Variants in FHIT observed in about 807,000 individuals in gnomAD.
The protein encoded by FHIT is fragile histidine triad diadenosine triphosphatase.
In FHIT, 19 loss-of-function variants were observed where a neutral mutation model predicts 17.9. The ratio of observed to expected loss-of-function variants is 1.06; its 90% CI spans 0.74 to 1.56. FHIT has a LOEUF of 1.56. Ranked by LOEUF, FHIT falls within the 40% of genes most tolerant of loss-of-function variation. FHIT has a pLI of 0.00. For missense variants in FHIT, 248 were observed against 189.2 expected (o/e 1.31, Z -1.82); for synonymous variants, 81 against 69.7 (o/e 1.16, Z -0.81).
chr3:60,955,612 A>ATGTATATATATATG lies in FHIT; in HGVS notation c.-111+86434_-111+86435insCATATATATATACA, dbSNP rs1559862309. Among the ~76,000 whole-genome samples the ATGTATATATATATG allele has an allele frequency of 4.1e-4, 4 of 9,752 alleles. 1 individual carries two copies. The highest frequency in any genetic ancestry group is 5.0e-3 in the Admixed American group (2 of 400). 6.4% of individuals were successfully genotyped at this position (9,752 alleles called of 152,430 possible). A position where few individuals can be genotyped will look rare whatever the true frequency, so the allele number is the denominator to read the frequency against. On this transcript the variant is annotated intron_variant, in intron 3 of 9. Transcript: ENST00000492590. The stretch of plus-strand genomic sequence containing the variant: ...CATATATATACATATATATATATAT[A>ATGTATATATATATG]TATATATATATATATATATATACAC...
chr3:60,109,136 G>T (rs1347622669), intron 5 of FHIT, among the ~76,000 whole-genome samples: 1 of 134,664 alleles, frequency 7.4e-6, no homozygotes, highest in African/African-American at 2.5e-5. Context: ...ACGGGGGTAG[G>T]GGCAGGGAGA....
At chr3:61,020,421 T>C (rs1003877337) in intron 3 of FHIT, among the ~76,000 whole-genome samples, 3 of 152,250 alleles carry the variant, frequency 2.0e-5, no homozygotes, top group African/African-American at 7.2e-5. Flanking sequence ...AAGGTCTTTG[T>C]AGATTCTGGA....
intron 3 of FHIT, among the ~76,000 whole-genome samples, chr3:61,026,047 G>A (rs575775816): frequency 6.6e-6 from 1 of 152,072 alleles, no homozygotes; most frequent in African/African-American, 2.4e-5. Flanking sequence ...CTGGGTGATA[G>A]GATCATACAT....
intron 5 of FHIT, among the ~76,000 whole-genome samples, chr3:60,462,265 C>T (rs1020153036): frequency 1.5e-4 from 23 of 152,146 alleles, no homozygotes; most frequent in African/African-American, 4.8e-4. Context: ...TCCACCACAC[C>T]TTTAAGAATG....
chr3:60,384,039 G>T (rs754405479), intron 5 of FHIT, among the ~76,000 whole-genome samples: 1 of 152,116 alleles, frequency 6.6e-6, no homozygotes, highest in Non-Finnish European at 1.5e-5. Context: ...GGAGGCCGAG[G>T]TGGGTGGATC....
At chr3:60,502,165 C>T (rs2034551044) in intron 5 of FHIT, among the ~76,000 whole-genome samples, 1 of 152,164 alleles carries the variant, frequency 6.6e-6, no homozygotes, top group Non-Finnish European at 1.5e-5. Flanking sequence ...GGACCTTGTT[C>T]TTCTCTCAGT....
intron 5 of FHIT, among the ~76,000 whole-genome samples, chr3:60,336,998 T>C (rs928522832): frequency 6.6e-6 from 1 of 152,038 alleles, no homozygotes; most frequent in Non-Finnish European, 1.5e-5. Context: ...ATTTCATTTA[T>C]ATATACTGGT....
Position 60,701,936 on chromosome 3 carries a change from A to C in FHIT, c.-18+119983T>G, listed in dbSNP as rs546985445. ...CAAGGAAAGCTTGGAGGTTAGAAGCAAGATGGAATCAGTAAGGTCAGATCT... is the reference window on the plus strand; with the variant it reads ...CAAGGAAAGCTTGGAGGTTAGAAGCCAGATGGAATCAGTAAGGTCAGATCT... On this transcript the variant is annotated intron_variant, in intron 4 of 9. Coordinates refer to ENST00000492590, the MANE Select transcript of FHIT (RefSeq NM_002012.4). Among the ~76,000 whole-genome samples the C allele has an allele frequency of 6.6e-5, 10 of 152,342 alleles. No homozygotes were observed. The South Asian group carries it at 1.0e-3, about 16-fold the overall frequency.
At chr3:60,663,586 C>A (rs782691553) in intron 4 of FHIT, among the ~76,000 whole-genome samples, 4 of 151,988 alleles carry the variant, frequency 2.6e-5, no homozygotes, top group South Asian at 2.1e-4. Context: ...CAGGCACCCA[C>A]CACCATGCCC....
At chr3:60,982,058 C>T (rs1710520020) in intron 3 of FHIT, among the ~76,000 whole-genome samples, 1 of 152,244 alleles carries the variant, frequency 6.6e-6, no homozygotes, top group Non-Finnish European at 1.5e-5. Flanking sequence ...TAATGTCCTG[C>T]TTCCACTCTT....
chr3:60,361,036 A>G (rs963601346), intron 5 of FHIT, among the ~76,000 whole-genome samples: 30 of 152,316 alleles, frequency 2.0e-4, no homozygotes, highest in African/African-American at 7.0e-4. Flanking sequence ...TATTTCGAAT[A>G]CTGGTGTAAT....
At chr3:60,068,530 G>C (rs539135008) in intron 5 of FHIT, among the ~76,000 whole-genome samples, 1 of 152,326 alleles carries the variant, frequency 6.6e-6, no homozygotes, top group Admixed American at 6.5e-5. Flanking sequence ...CTAGGACCAT[G>C]ATACAAATGG....
intron 2 of FHIT, among the ~76,000 whole-genome samples, chr3:61,090,415 A>C (rs1380984313): frequency 6.6e-6 from 1 of 152,236 alleles, no homozygotes. Flanking sequence ...ATTTTCCCCA[A>C]GGCTTCTGCC....
At chr3:61,238,254 A>C (rs575463530) in intron 1 of FHIT, among the ~76,000 whole-genome samples, 5 of 152,352 alleles carry the variant, frequency 3.3e-5, no homozygotes, top group South Asian at 4.1e-4. Flanking sequence ...TGTAGATTTC[A>C]CTTGCATATA....
At chr3:60,161,089 A>G (rs1305857573) in intron 5 of FHIT, among the ~76,000 whole-genome samples, 1 of 152,208 alleles carries the variant, frequency 6.6e-6, no homozygotes, top group Non-Finnish European at 1.5e-5. Flanking sequence ...TCTGTCCTTC[A>G]GCCATATACC....
chr3:60,178,719 C>T (rs376617962), intron 5 of FHIT, among the ~76,000 whole-genome samples: 1 of 152,146 alleles, frequency 6.6e-6, no homozygotes, highest in South Asian at 2.1e-4. Context: ...ATTAGCTCTT[C>T]CTCAGCAATC....
intron 3 of FHIT, among the ~76,000 whole-genome samples, chr3:60,860,403 G>GTATACATGACATACATCATATGTATAC (rs1703656544): frequency 1.4e-5 from 2 of 138,088 alleles, no homozygotes; most frequent in Non-Finnish European, 1.6e-5. Flanking sequence ...ATGTATATAT[G>GTATACATGACATACATCATATGTATAC]ACATACATCA....
At chr3:60,811,078 G>A (rs944977570) in intron 4 of FHIT, among the ~76,000 whole-genome samples, 1 of 152,096 alleles carries the variant, frequency 6.6e-6, no homozygotes, top group Non-Finnish European at 1.5e-5. Flanking sequence ...CATCTGCTTT[G>A]TATGAACAAG....
At chr3:60,036,652 C>G (rs140470581) in intron 5 of FHIT, among the ~76,000 whole-genome samples, 126 of 152,256 alleles carry the variant, frequency 8.3e-4, no homozygotes, top group Non-Finnish European at 1.6e-3. Context: ...GTTTTCATTT[C>G]TTTTCCTCCT....
Sources: gnomAD v4.1 joint callset for allele counts (sites outside exome capture counted in the v4.1 genomes callset) on GRCh38, gnomAD v4.1.1 for gene constraint, MANE v1.5 for transcripts, NCBI Gene and HGNC (gene_info 2026-07-23, HGNC 2026-07-21) for gene names.